Variants in PRSS35 observed in about 807,000 individuals in gnomAD.
PRSS35 encodes the protein inactive serine protease 35.
In PRSS35, 7 loss-of-function variants were observed where a neutral mutation model predicts 8.1. That is an observed-to-expected ratio of 0.86 (90% CI 0.49 to 1.62). PRSS35 has a LOEUF of 1.62. Ranked by LOEUF, PRSS35 falls within the 40% of genes most tolerant of loss-of-function variation. The pLI is 0.00. For missense variants in PRSS35, 566 were observed against 518.0 expected, an observed-to-expected ratio of 1.09 and a Z score of -0.90; for synonymous variants, 199 against 188.7, an observed-to-expected ratio of 1.05 and a Z score of -0.45.
chr6:83,515,605 G>C lies in PRSS35; in HGVS notation c.-21+2911G>C, dbSNP rs575632523. On this transcript the variant is annotated intron_variant, in intron 1 of 1. Transcript: ENST00000369700. Reference sequence around the variant, plus strand: ...CTGCAGCGTCCACCTCCCAGCTTAGGTGATCCTCCCAACTCAGCCCAGAGT... The same window carrying C: ...CTGCAGCGTCCACCTCCCAGCTTAGCTGATCCTCCCAACTCAGCCCAGAGT... Among the ~76,000 whole-genome samples, 515 of 152,078 alleles carry C rather than the reference G, an allele frequency of 3.4e-3. 2 individuals carry two copies. Among genetic ancestry groups the C allele is most frequent in the African/African-American group, 0.012 (499 of 41,500 alleles).
intron 1 of PRSS35, among the ~76,000 whole-genome samples, chr6:83,519,757 C>T (rs542454783): frequency 1.3e-5 from 2 of 152,342 alleles, no homozygotes; most frequent in Admixed American, 6.5e-5. Context: ...CCTTCCCATA[C>T]CCAAGGGTAG....
chr6:83,520,798 G>T (rs1771807775), intron 1 of PRSS35, among the ~76,000 whole-genome samples: 1 of 152,196 alleles, frequency 6.6e-6, no homozygotes, highest in African/African-American at 2.4e-5. Flanking sequence ...TTTCTTAAAA[G>T]TCTGGCTACA....
In PRSS35 at chr6:83,523,884, T is replaced by G. The variant is rs1223183627; in HGVS notation, c.443T>G (p.Val148Gly). ...ACCAATTTCCCTTTCAGCACAGCTGTGAAGCTTTCCACGGGCTGTAGTGGC... is the reference window on the plus strand; with the variant it reads ...ACCAATTTCCCTTTCAGCACAGCTGGGAAGCTTTCCACGGGCTGTAGTGGC... ...FLTNFPFSTA[V>G]KLSTGCSGIL... Residue 148 changes from valine to glycine, a missense_variant, in exon 2 of 2, where the codon GTG becomes GGG. Coordinates refer to ENST00000369700, the MANE Select transcript of PRSS35 (RefSeq NM_153362.3). 1 of 1,614,086 alleles carries G rather than the reference T, an allele frequency of 6.2e-7. No individual in the cohort carries two copies. The highest frequency in any genetic ancestry group is 8.5e-7 in the Non-Finnish European group (1 of 1,180,036).
At chr6:83,520,909 G>C (rs113853372) in intron 1 of PRSS35, among the ~76,000 whole-genome samples, 16 of 152,114 alleles carry the variant, frequency 1.1e-4, no homozygotes, top group Admixed American at 6.6e-5. Flanking sequence ...CAAGTGTATT[G>C]CTCCTCAGAT....
intron 1 of PRSS35, among the ~76,000 whole-genome samples, chr6:83,518,820 G>T (rs1332060764): frequency 1.3e-5 from 2 of 152,174 alleles, no homozygotes; most frequent in Admixed American, 1.3e-4. Flanking sequence ...GGGCTCAGTA[G>T]TAATTCTTTG....
rs1409960765 is a variant in PRSS35, at chr6:83,523,413, A to T, written c.-20-9A>T. On this transcript the variant is annotated splice_polypyrimidine_tract_variant and intron_variant, in intron 1 of 1. Transcript: ENST00000369700. ...ACATTATAAACCTCTCTCTTTTTCT[A>T]TTTTTAAGGACAAAATTAGAAGATC... 3.2e-6 allele frequency: 5 copies of T among 1,576,932 alleles called. No individual in the cohort carries two copies. The Admixed American group carries it at 5.7e-5, about 18-fold the overall frequency.
chr6:83,523,585 C>T lies in PRSS35; in HGVS notation c.144C>T (p.Pro48=), dbSNP rs549046936. Residue 48 remains proline, a synonymous_variant, in exon 2 of 2, where the codon CCC becomes CCT. Transcript: ENST00000369700. ...AAAGGACTTTCCATCTCACCAGCCC[C>T]GCATTTGAGGCAGATGCTAAGATGA... The part of the protein sequence containing the change: ...VSERTFHLTS[P]AFEADAKMMV... 2 of 1,614,124 alleles carry T rather than the reference C, an allele frequency of 1.2e-6. No individual in the cohort carries two copies. The highest frequency in any genetic ancestry group is 1.1e-5 in the South Asian group (1 of 91,080).
chr6:83,516,017 G>T (rs1035574240), intron 1 of PRSS35, among the ~76,000 whole-genome samples: 1 of 151,616 alleles, frequency 6.6e-6, no homozygotes, highest in Non-Finnish European at 1.5e-5. Context: ...GTTTCACCAC[G>T]TTGGCCAGGC....
At chr6:83,518,521 A>T (rs1362007974) in intron 1 of PRSS35, among the ~76,000 whole-genome samples, 1 of 152,198 alleles carries the variant, frequency 6.6e-6, no homozygotes, top group Non-Finnish European at 1.5e-5. Flanking sequence ...AATATATTAC[A>T]GAGCCATGGA....
At chr6:83,513,918 A>C (rs1218819730) in intron 1 of PRSS35, among the ~76,000 whole-genome samples, 1 of 152,228 alleles carries the variant, frequency 6.6e-6, no homozygotes, top group Non-Finnish European at 1.5e-5. Flanking sequence ...ATATCAAACA[A>C]GCATATTGCA....
rs767708017 is a variant in PRSS35 at position 83,517,190 on chromosome 6, A to C, written c.-21+4496A>C. Among the ~76,000 whole-genome samples, 175 of 152,214 alleles carry C rather than the reference A, an allele frequency of 1.1e-3. 1 individual carries two copies. The highest frequency in any genetic ancestry group is 1.2e-3 in the Non-Finnish European group (81 of 68,032). On this transcript the variant is annotated intron_variant, in intron 1 of 1. Coordinates refer to ENST00000369700, the MANE Select transcript of PRSS35 (RefSeq NM_153362.3). ...CTAATAAATGTGGGAAATAATGTCTAGAGAGATTAGGTAACCTTCACAAGA... is the reference window on the plus strand; with the variant it reads ...CTAATAAATGTGGGAAATAATGTCTCGAGAGATTAGGTAACCTTCACAAGA...
At chr6:83,520,482 C>T (rs1397008098) in intron 1 of PRSS35, among the ~76,000 whole-genome samples, 1 of 152,016 alleles carries the variant, frequency 6.6e-6, no homozygotes, top group Non-Finnish European at 1.5e-5. Flanking sequence ...AGGGACTGTC[C>T]TTTGAGAACC....
Position 83,525,338 on chromosome 6 carries a change from T to C in PRSS35, c.*655T>C, listed in dbSNP as rs911858650. ...AATTACAATGTGTATTATTTAAAAA[T>C]GGGAGAAATAGTTTGTTCTATGAAA... On this transcript the variant is annotated 3_prime_UTR_variant, in exon 2 of 2. Transcript: ENST00000369700. The C allele has an allele frequency of 6.0e-6, 1 of 167,004 alleles. No individual in the cohort carries two copies. The highest frequency in any genetic ancestry group is 1.5e-5 in the Non-Finnish European group (1 of 68,112). The allele number at this position is 167,004 out of a possible 1,614,324, so 10.3% of individuals were successfully genotyped here. A position where few individuals can be genotyped will look rare whatever the true frequency, so the allele number is the denominator to read the frequency against.
At chr6:83,523,364 G>T (rs1283033870) in intron 1 of PRSS35, 58 bp from the exon 2 acceptor site, 8 of 1,327,186 alleles carry the variant, frequency 6.0e-6, no homozygotes, top group Non-Finnish European at 8.3e-6. Context: ...TGAATGAAAT[G>T]GATAAGTAAG....
Position 83,523,586 on chromosome 6 carries a change from G to C in PRSS35, c.145G>C (p.Ala49Pro). Residue 49 changes from alanine to proline, a missense_variant, in exon 2 of 2, where the codon GCA becomes CCA. Transcript: ENST00000369700. Reference protein sequence around the residue: ...SERTFHLTSPAFEADAKMMVN... With the variant: ...SERTFHLTSPPFEADAKMMVN... ...AAGGACTTTCCATCTCACCAGCCCC[G>C]CATTTGAGGCAGATGCTAAGATGAT... is the stretch of plus-strand genomic sequence containing the variant. 3 of 1,614,128 alleles carry C rather than the reference G, an allele frequency of 1.9e-6. No individual in the cohort carries two copies. The highest frequency in any genetic ancestry group is 2.5e-6 in the Non-Finnish European group (3 of 1,180,026).
rs1004352164 is a variant in PRSS35 at position 83,524,813 on chromosome 6, A to T, written c.*130A>T. 3.8e-6 allele frequency: 4 copies of T among 1,053,478 alleles called. No homozygotes were observed. The African/African-American group carries it at 4.8e-5, about 13-fold the overall frequency. The allele number at this position is 1,053,478 out of a possible 1,614,324, so 65.3% of individuals were successfully genotyped here. On this transcript the variant is annotated 3_prime_UTR_variant, in exon 2 of 2. Transcript: ENST00000369700. ...TCAATAGCATTTCAACATTTTTCAAAATCAGGAGATTTTCGTCCATTTAAA... is the reference window on the plus strand; with the variant it reads ...TCAATAGCATTTCAACATTTTTCAATATCAGGAGATTTTCGTCCATTTAAA...
Position 83,524,194 on chromosome 6 carries a change from G to C in PRSS35, c.753G>C (p.Trp251Cys), listed in dbSNP as rs780784760. 1 of 1,613,986 alleles carries C rather than the reference G, an allele frequency of 6.2e-7. No homozygotes were observed. The highest frequency in any genetic ancestry group is 8.5e-7 in the Non-Finnish European group (1 of 1,180,026). Residue 251 changes from tryptophan to cysteine, a missense_variant, in exon 2 of 2, where the codon TGG becomes TGC. Coordinates refer to ENST00000369700, the MANE Select transcript of PRSS35 (RefSeq NM_153362.3). ...CCGAAGGGAGGCCTTCCTTTCAGTG[G>C]ACCCGGGTCAAGAATACCCACATTC... The part of the protein sequence containing the change: ...RIAEGRPSFQ[W>C]TRVKNTHIPK...
At position 83,524,350 on chromosome 6, in the gene PRSS35, T is replaced by C; in HGVS notation, c.909T>C (p.Pro303=). 6.2e-7 allele frequency: 1 copy of C among 1,614,188 alleles called. No individual in the cohort carries two copies. The highest frequency in any genetic ancestry group is 8.5e-7 in the Non-Finnish European group (1 of 1,180,044). The change falls in exon 2 of 2, where the codon CCT becomes CCC. Residue 303 remains proline (P), a synonymous_variant. Transcript: ENST00000369700. ...TCAGCCCAACGATCAAGAAAATGCC[T>C]GGTGGAATGATCCACTTCTCAGGAT... ...LGISPTIKKM[P]GGMIHFSGFD... is the part of the protein sequence containing the mutation.
rs1771873382 is a variant in PRSS35 at position 83,523,890 on chromosome 6, T to G, written c.449T>G (p.Leu150Arg). ...TNFPFSTAVK[L>R]STGCSGILIS... is the part of the protein sequence containing the mutation. ...TTCCCTTTCAGCACAGCTGTGAAGC[T>G]TTCCACGGGCTGTAGTGGCATTCTC... The change falls in exon 2 of 2, where the codon CTT (leucine) becomes CGT (arginine). Residue 150 changes from leucine to arginine, a missense_variant. Transcript: ENST00000369700. The G allele has an allele frequency of 1.9e-6, 3 of 1,614,112 alleles. No homozygotes were observed. Among genetic ancestry groups the G allele is most frequent in the Non-Finnish European group, 2.5e-6 (3 of 1,180,050 alleles).
Sources: gnomAD v4.1 joint callset for allele counts (sites outside exome capture counted in the v4.1 genomes callset) on GRCh38, gnomAD v4.1.1 for gene constraint, MANE v1.5 for transcripts, NCBI Gene and HGNC (gene_info 2026-07-23, HGNC 2026-07-21) for gene names.